Variants in L3MBTL4 observed in about 807,000 individuals in gnomAD.
L3MBTL4 encodes L3MBTL histone methyl-lysine binding protein 4.
Under a neutral mutation model 84.5 loss-of-function variants are expected in L3MBTL4, and 70 were observed. That is an observed-to-expected ratio of 0.83 (90% CI 0.68 to 1.01). The LOEUF (loss-of-function observed/expected upper bound fraction) is 1.01, where lower values mean the gene tolerates loss of function less well. L3MBTL4 is among the 50% of genes least tolerant of loss of function. The pLI, the probability that L3MBTL4 is intolerant of heterozygous loss-of-function variation, is 0.00. For missense variants in L3MBTL4, 715 were observed against 754.8 expected (o/e 0.95, Z 0.62); for synonymous variants, 274 against 259.8 (o/e 1.05, Z -0.52).
intron 5 of L3MBTL4, among the ~76,000 whole-genome samples, 171 bp from the exon 6 acceptor site, chr18:6,244,759 A>C (rs2047588213): frequency 6.6e-6 from 1 of 152,212 alleles, no homozygotes; most frequent in Non-Finnish European, 1.5e-5. Flanking sequence ...GATGCTGGTC[A>C]AAGGGTATAA....
At chr18:6,375,368 C>A (rs2054324125) in intron 1 of L3MBTL4, among the ~76,000 whole-genome samples, 1 of 152,132 alleles carries the variant, frequency 6.6e-6, no homozygotes, top group Admixed American at 6.5e-5. Context: ...GCCGACTTCT[C>A]TTCCCAGCCA....
intron 16 of L3MBTL4, among the ~76,000 whole-genome samples, chr18:5,976,818 T>C (rs925216308): frequency 6.6e-6 from 1 of 152,158 alleles, no homozygotes; most frequent in African/African-American, 2.4e-5. Context: ...CTTTCAAAAC[T>C]AGGTTAGGAA....
At chr18:6,095,047 G>T (rs1032074310) in intron 14 of L3MBTL4, among the ~76,000 whole-genome samples, 1 of 152,158 alleles carries the variant, frequency 6.6e-6, no homozygotes, top group African/African-American at 2.4e-5. Context: ...TATAAATTCA[G>T]TGAAGACGTT....
At chr18:6,003,348 C>T (rs769450673) in intron 16 of L3MBTL4, among the ~76,000 whole-genome samples, 2 of 151,310 alleles carry the variant, frequency 1.3e-5, no homozygotes, top group African/African-American at 2.4e-5. Context: ...TAAAATACAA[C>T]AGGAAGATAT....
intron 1 of L3MBTL4, among the ~76,000 whole-genome samples, chr18:6,391,270 T>C (rs1395077360): frequency 6.6e-6 from 1 of 152,054 alleles, no homozygotes; most frequent in Non-Finnish European, 1.5e-5. Flanking sequence ...AAAAGCATTT[T>C]ATAAAATCCA....
chr18:6,177,756 C>T lies in L3MBTL4; in HGVS notation c.982-5814G>A, dbSNP rs118076088. ...GCACCCTAGGACTGTCAGTACCAGG[C>T]CACTGAATATTCAAGGTGTGAACAG... On this transcript the variant is annotated intron_variant, in intron 12 of 18. Transcript: ENST00000317931. Among the ~76,000 whole-genome samples, 145 of 152,250 alleles carry T rather than the reference C, an allele frequency of 9.5e-4. 2 individuals carry two copies. In the East Asian group the frequency reaches 0.024, roughly 25 times the overall value.
At chr18:6,209,618 A>G (rs903689700) in intron 12 of L3MBTL4, among the ~76,000 whole-genome samples, 2 of 152,200 alleles carry the variant, frequency 1.3e-5, no homozygotes, top group African/African-American at 2.4e-5. Flanking sequence ...TAGAGTTATC[A>G]TATGACCCAG....
At chr18:6,056,817 G>T (rs7235452) in intron 16 of L3MBTL4, among the ~76,000 whole-genome samples, 21 of 152,118 alleles carry the variant, frequency 1.4e-4, no homozygotes, top group African/African-American at 5.1e-4. Flanking sequence ...GCTGTGTGAC[G>T]TTGGGTAAAT....
Position 6,239,807 on chromosome 18 carries a change from A to G in L3MBTL4, c.618T>C (p.Pro206=). The change falls in exon 9 of 19, where the codon CCT becomes CCC. Residue 206 remains proline, a synonymous_variant. Transcript: ENST00000317931. ...MKLEAVDRKN[P]SLVCVATIAD... is the part of the protein sequence containing the mutation. ...CTATGGTCGCCACACACACCAAGGA[A>G]GGGTTCTTCCTGTCCACGGCCTCCA... 1 of 1,614,206 alleles carries G rather than the reference A, an allele frequency of 6.2e-7. No homozygotes were observed. Among genetic ancestry groups the G allele is most frequent in the South Asian group, 1.1e-5 (1 of 91,084 alleles).
At chr18:6,011,164 C>G (rs568413528) in intron 16 of L3MBTL4, among the ~76,000 whole-genome samples, 1 of 152,124 alleles carries the variant, frequency 6.6e-6, no homozygotes, top group Non-Finnish European at 1.5e-5. Flanking sequence ...AAGCACATCA[C>G]CAGTAAGAAA....
intron 16 of L3MBTL4, among the ~76,000 whole-genome samples, chr18:6,045,659 C>T (rs1046115399): frequency 2.6e-5 from 4 of 152,164 alleles, no homozygotes; most frequent in Admixed American, 6.5e-5. Flanking sequence ...ACTCAGTCAC[C>T]TCCCACTGGG....
intron 1 of L3MBTL4, among the ~76,000 whole-genome samples, chr18:6,387,904 C>T (rs940165617): frequency 2.6e-5 from 4 of 152,098 alleles, no homozygotes; most frequent in Non-Finnish European, 5.9e-5. Context: ...CTTTCCCATG[C>T]AAACGTCAAC....
At chr18:6,176,916 G>C (rs2044248361) in intron 12 of L3MBTL4, among the ~76,000 whole-genome samples, 1 of 152,098 alleles carries the variant, frequency 6.6e-6, no homozygotes, top group Non-Finnish European at 1.5e-5. Context: ...CTCTTCACCA[G>C]AGAAACCAAA....
chr18:6,033,446 T>C (rs1324737529), intron 16 of L3MBTL4, among the ~76,000 whole-genome samples: 2 of 152,212 alleles, frequency 1.3e-5, no homozygotes, highest in Non-Finnish European at 2.9e-5. Flanking sequence ...TGTCTTTTGA[T>C]TGGAGAGTTT....
At chr18:6,032,732 C>G (rs528057792) in intron 16 of L3MBTL4, among the ~76,000 whole-genome samples, 3 of 152,280 alleles carry the variant, frequency 2.0e-5, no homozygotes, top group East Asian at 1.9e-4. Flanking sequence ...CCAGCCCTGG[C>G]AAGCCCCACT....
intron 1 of L3MBTL4, among the ~76,000 whole-genome samples, chr18:6,384,335 C>T (rs1271822724): frequency 6.6e-6 from 1 of 152,190 alleles, no homozygotes; most frequent in Admixed American, 6.5e-5. Context: ...TGTATACAGA[C>T]ACATCCATAT....
At chr18:6,286,443 C>T (rs1056631702) in intron 4 of L3MBTL4, among the ~76,000 whole-genome samples, 2 of 151,386 alleles carry the variant, frequency 1.3e-5, no homozygotes, top group Admixed American at 1.3e-4. Flanking sequence ...GCCTGGGCGA[C>T]AGAGTGAGAC....
At chr18:6,285,109 G>C (rs2049509313) in intron 4 of L3MBTL4, among the ~76,000 whole-genome samples, 1 of 152,244 alleles carries the variant, frequency 6.6e-6, no homozygotes, top group African/African-American at 2.4e-5. Context: ...CGCCCACTCA[G>C]GGCGAGGAGG....
chr18:6,347,918 T>C (rs1443743134), intron 1 of L3MBTL4, among the ~76,000 whole-genome samples: 1 of 151,922 alleles, frequency 6.6e-6, no homozygotes, highest in African/African-American at 2.4e-5. Context: ...ACAAAAAAAT[T>C]AAATTGACTA....
Sources: gnomAD v4.1 joint callset for allele counts (sites outside exome capture counted in the v4.1 genomes callset) on GRCh38, gnomAD v4.1.1 for gene constraint, MANE v1.5 for transcripts, NCBI Gene and HGNC (gene_info 2026-07-23, HGNC 2026-07-21) for gene names.